Variants in IL1R1 observed in about 807,000 individuals in gnomAD.
IL1R1 encodes the protein interleukin-1 receptor type 1.
IL1R1 carries 22 observed loss-of-function variants against 50.2 expected under a neutral mutation model. The ratio of observed to expected loss-of-function variants is 0.44; its 90% CI spans 0.31 to 0.63. The LOEUF is 0.63. Ranked by LOEUF, IL1R1 falls within the 20% of genes least tolerant of loss-of-function variation. The probability of loss-of-function intolerance (pLI) is 0.07; values close to 1 mark genes in which losing one functional copy is unlikely to be tolerated. For synonymous variants in IL1R1, 251 were observed against 236.7 expected (o/e 1.06, Z -0.55); for missense variants, 509 against 676.2 (o/e 0.75, Z 2.74).
intron 9 of IL1R1, among the ~76,000 whole-genome samples, chr2:102,173,779 A>G (rs548261039): frequency 4.8e-4 from 73 of 152,298 alleles, no homozygotes; most frequent in African/African-American, 1.7e-3. Context: ...TGTAAAAGTC[A>G]TAGGGAACTG....
Position 102,142,896 on chromosome 2 carries a change from G to C in IL1R1, c.-208G>C, listed in dbSNP as rs372206837. The C allele has an allele frequency of 6.6e-6, 1 of 151,420 alleles. No homozygotes were observed. The highest frequency in any genetic ancestry group is 6.6e-5 in the Admixed American group (1 of 15,190). The allele number at this position is 151,420 out of a possible 1,614,324, so 9.4% of individuals were successfully genotyped here. A position where few individuals can be genotyped will look rare whatever the true frequency, so the allele number is the denominator to read the frequency against. On this transcript the variant is annotated 5_prime_UTR_variant, in exon 1 of 12. An upstream start codon of the reference 5' UTR is lost. Coordinates refer to ENST00000410023, the MANE Select transcript of IL1R1 (RefSeq NM_000877.4). Reference sequence around the variant, plus strand: ...GCGCGCCCCAGGGAGCGGCAGGAATGTGACAATCGCGCGCCCGCGCACCGA... The same window carrying C: ...GCGCGCCCCAGGGAGCGGCAGGAATCTGACAATCGCGCGCCCGCGCACCGA...
chr2:102,162,909 G>C (rs1684856394), intron 3 of IL1R1, among the ~76,000 whole-genome samples: 1 of 151,942 alleles, frequency 6.6e-6, no homozygotes, highest in East Asian at 1.9e-4. Context: ...CTTTTTGAAG[G>C]AATTAAATAT....
Position 102,177,147 on chromosome 2 carries a change from TC to T in IL1R1, c.*391del. ...TAGGCATGGTGGCACACGCCTGTAATCCCAGCTACACCTGAGGCTGAGGCAG... is the reference window on the plus strand; with the variant it reads ...TAGGCATGGTGGCACACGCCTGTAATCCAGCTACACCTGAGGCTGAGGCAG... On this transcript the variant is annotated 3_prime_UTR_variant, in exon 12 of 12. Transcript: ENST00000410023. 4.7e-6 allele frequency: 1 copy of T among 211,584 alleles called. No homozygotes were observed. The highest frequency in any genetic ancestry group is 6.4e-5 in the South Asian group (1 of 15,630). The allele number at this position is 211,584 out of a possible 1,614,324, so 13.1% of individuals were successfully genotyped here.
At chr2:102,093,767 C>T (rs1216331656) in intron 1 of IL1R1, among the ~76,000 whole-genome samples, 1 of 152,210 alleles carries the variant, frequency 6.6e-6, no homozygotes, top group Non-Finnish European at 1.5e-5. Flanking sequence ...CCGCCCCACT[C>T]CCCAGCACCT....
At position 102,171,833 on chromosome 2, in the gene IL1R1, G is replaced by T; in HGVS notation, c.754G>T (p.Gly252Cys). ...SQIQLICNVT[G>C]QLSDIAYWKW... is the part of the protein sequence containing the mutation. ...GATACAATTGATCTGTAATGTCACC[G>T]GCCAGTTGAGTGACATTGCTTACTG... is the stretch of plus-strand genomic sequence containing the variant. Residue 252 changes from glycine (G) to cysteine (C), a missense_variant, in exon 8 of 12, where the codon GGC becomes TGC. Gly to Cys is a radical substitution (Grantham distance 159). Transcript: ENST00000410023. The T allele has an allele frequency of 6.2e-7, 1 of 1,605,354 alleles. No homozygotes were observed. The highest frequency in any genetic ancestry group is 8.5e-7 in the Non-Finnish European group (1 of 1,173,662).
chr2:102,090,132 C>T (rs1679600638), intron 1 of IL1R1, among the ~76,000 whole-genome samples: 1 of 151,778 alleles, frequency 6.6e-6, no homozygotes, highest in Non-Finnish European at 1.5e-5. Context: ...CTGCGCCCAG[C>T]CTATCCTTTT....
rs532222297 is a variant in IL1R1 at position 102,086,472 on chromosome 2, A to G, written c.-84+15939A>G. 4.6e-5 allele frequency among the ~76,000 whole-genome samples: 7 copies of G among 151,704 alleles called. No individual in the cohort carries two copies. The South Asian group carries it at 1.2e-3, about 27-fold the overall frequency. ...GAGCTTGTTGAATATGTAAATTAAT[A>G]TTTTTCACTGTTTGAAAAGTTGTCA... On this transcript the variant is annotated intron_variant, in intron 1 of 11. Coordinates refer to the IL1R1 transcript ENST00000409929.
At chr2:102,165,509 A>G (rs544732194) in intron 5 of IL1R1, among the ~76,000 whole-genome samples, 2 of 152,300 alleles carry the variant, frequency 1.3e-5, no homozygotes, top group Non-Finnish European at 2.9e-5. Flanking sequence ...TGTTGTTTTT[A>G]TTTAATTTAA....
intron 1 of IL1R1, among the ~76,000 whole-genome samples, chr2:102,122,993 C>T (rs1466469979): frequency 6.6e-6 from 1 of 152,154 alleles, no homozygotes; most frequent in Admixed American, 6.5e-5. Context: ...TGCCTGTAGA[C>T]TGAAAGCAGG....
intron 1 of IL1R1, among the ~76,000 whole-genome samples, chr2:102,148,737 T>A (rs1453058190): frequency 6.6e-6 from 1 of 152,194 alleles, no homozygotes; most frequent in Non-Finnish European, 1.5e-5. Flanking sequence ...AGGTCTAAAG[T>A]TTTTTCCATA....
In IL1R1 at chr2:102,116,126, C is replaced by T. The variant is rs980082996; in HGVS notation, c.-84+11254C>T. On this transcript the variant is annotated intron_variant, in intron 1 of 10. Coordinates refer to the IL1R1 transcript ENST00000409329. ...CAACTTTGCATTGACAAGGTGGGTG[C>T]GTTGCACTGGGTCGAGATGGTTCAG... Among the ~76,000 whole-genome samples, 6 of 152,174 alleles carry T rather than the reference C, an allele frequency of 3.9e-5. No individual in the cohort carries two copies. The East Asian group carries it at 5.8e-4, about 15-fold the overall frequency.
chr2:102,073,579 TGCC>T (rs1289553413), intron 1 of IL1R1, among the ~76,000 whole-genome samples: 2 of 152,222 alleles, frequency 1.3e-5, no homozygotes, highest in Non-Finnish European at 2.9e-5. Context: ...CCTCTTCCAC[TGCC>T]TTAGTCACCC....
At chr2:102,127,638 CAG>C in intron 1 of IL1R1, among the ~76,000 whole-genome samples, 1 of 146,146 alleles carries the variant, frequency 6.8e-6, no homozygotes, top group East Asian at 2.0e-4. Context: ...TCAGGTAAGA[CAG>C]AGATGTGTGT....
chr2:102,166,384 G>A (rs531543631), intron 6 of IL1R1, 103 bp downstream of exon 6: 24 of 800,908 alleles, frequency 3.0e-5, no homozygotes, highest in South Asian at 8.0e-5. Flanking sequence ...AATCCAAGAC[G>A]ACCTCAATGA....
At chr2:102,147,172 G>A (rs1683207503) in intron 1 of IL1R1, among the ~76,000 whole-genome samples, 1 of 152,198 alleles carries the variant, frequency 6.6e-6, no homozygotes. Context: ...TCTACATCCT[G>A]AAGTATTCCT....
intron 1 of IL1R1, among the ~76,000 whole-genome samples, chr2:102,106,139 G>T (rs984058620): frequency 4.6e-5 from 7 of 152,164 alleles, no homozygotes; most frequent in Non-Finnish European, 1.5e-5. Flanking sequence ...AGTGGATGGT[G>T]GGGAAGGATG....
chr2:102,072,569 G>A (rs925344624), intron 1 of IL1R1, among the ~76,000 whole-genome samples: 2 of 151,912 alleles, frequency 1.3e-5, no homozygotes, highest in African/African-American at 2.4e-5. Context: ...TGTTTTTCAC[G>A]TCTATTGGCT....
intron 1 of IL1R1, among the ~76,000 whole-genome samples, chr2:102,117,783 T>A (rs1681168399): frequency 1.3e-5 from 2 of 152,242 alleles, no homozygotes; most frequent in African/African-American, 4.8e-5. Context: ...CATTGCCCAG[T>A]GTTCCGAGTG....
chr2:102,084,478 C>T (rs13398545), intron 1 of IL1R1, among the ~76,000 whole-genome samples: 30,925 of 151,962 alleles, frequency 0.2, 3,656 homozygotes, highest in East Asian at 0.53. Flanking sequence ...TTTATCGCCC[C>T]GTACAAAGTT....
Sources: allele counts gnomAD v4.1 joint callset (sites outside exome capture counted in the v4.1 genomes callset), GRCh38; gene constraint gnomAD v4.1.1; transcripts MANE v1.5; gene names NCBI Gene and HGNC (gene_info 2026-07-23, HGNC 2026-07-21).